Variants in RS1 observed in about 807,000 individuals in gnomAD.
The protein encoded by RS1 is retinoschisin.
A neutral mutation model predicts 20.8 loss-of-function variants in RS1; 2 were observed. The ratio of observed to expected loss-of-function variants is 0.10; its 90% CI spans 0.04 to 0.30. The LOEUF (loss-of-function observed/expected upper bound fraction) is 0.30. Among genes scored for constraint, RS1 ranks in the 10% least tolerant of loss-of-function variants. RS1 has a pLI of 1.00. For missense variants in RS1, 151 were observed against 189.8 expected, an observed-to-expected ratio of 0.80 and a Z score of 1.20; for synonymous variants, 70 against 75.8, an observed-to-expected ratio of 0.92 and a Z score of 0.40.
rs386416704 is a variant in RS1, at chrX:18,669,487, CAAA to C, written c.52+2527_52+2529del. 6.8e-5 allele frequency among the ~76,000 whole-genome samples: 4 copies of C among 58,899 alleles called. No individual in the cohort carries two copies. The Admixed American group carries it at 7.5e-4, about 11-fold the overall frequency. 51.1% of individuals were successfully genotyped at this position (58,899 alleles called of 115,157 possible). Reference sequence around the variant, plus strand: ...GCCTGGGCAACAAGAGTGAAATTCTCAAAAAAAAAAAAAAAAAGACATAGGAAA... The same window carrying C: ...GCCTGGGCAACAAGAGTGAAATTCTCAAAAAAAAAAAAAAGACATAGGAAA... On this transcript the variant is annotated intron_variant, in intron 1 of 5. Coordinates refer to ENST00000379984, the MANE Select transcript of RS1 (RefSeq NM_000330.4).
chrX:18,649,787 G>C (rs769787487), intron 3 of RS1, among the ~76,000 whole-genome samples: 12 of 112,043 alleles, frequency 1.1e-4, no homozygotes, highest in African/African-American at 3.9e-4. Flanking sequence ...GAGTGCCTGC[G>C]GACTCGAGGG....
rs1374999743 is a variant in RS1 at position 18,644,437 on chromosome X, T to C, written c.515A>G (p.Asn172Ser). 2 of 1,209,353 alleles carry C rather than the reference T, an allele frequency of 1.7e-6. No individual in the cohort carries two copies. The highest frequency in any genetic ancestry group is 2.2e-6 in the Non-Finnish European group (2 of 894,977). Residue 172 changes from asparagine to serine, a missense_variant, in exon 5 of 6, where the codon AAC (asparagine) becomes AGC (serine). Coordinates refer to ENST00000379984, the MANE Select transcript of RS1 (RefSeq NM_000330.4). ...NWIYYKDQTG[N>S]NRVFYGNSDR... ...GGGATAAGCCCAACTTACCCGGTTG[T>C]TTCCAGTCTGGTCCTTGTAGTAAAT... is the stretch of plus-strand genomic sequence containing the variant.
rs1569235240 is a variant in RS1, at chrX:18,669,504, A to AAAAAAAAAAAAAAAG, written c.52+2512_52+2513insCTTTTTTTTTTTTTT. Among the ~76,000 whole-genome samples the AAAAAAAAAAAAAAAG allele has an allele frequency of 3.7e-5, 4 of 107,321 alleles. No individual in the cohort carries two copies. In the East Asian group the frequency reaches 1.2e-3, roughly 32 times the overall value. 93.2% of individuals were successfully genotyped at this position (107,321 alleles called of 115,157 possible). On this transcript the variant is annotated intron_variant, in intron 1 of 5. Transcript: ENST00000379984. ...GAAATTCTCAAAAAAAAAAAAAAAA[A>AAAAAAAAAAAAAAAG]GACATAGGAAATGCCTTACTGTGAG...
At chrX:18,657,793 G>A in intron 1 of RS1, 128 bp from the exon 2 acceptor site, 1 of 548,683 alleles carries the variant, frequency 1.8e-6, no homozygotes, top group Admixed American at 2.5e-5. Flanking sequence ...TCTGGAAGAA[G>A]TCATGGTGAG....
intron 1 of RS1, among the ~76,000 whole-genome samples, chrX:18,667,325 A>T (rs976301925): frequency 7.2e-5 from 8 of 111,106 alleles, no homozygotes; most frequent in Non-Finnish European, 1.5e-4. Context: ...CGGGCAAACC[A>T]CTTGAGGTCA....
At chrX:18,653,921 T>C (rs1250073034) in intron 3 of RS1, among the ~76,000 whole-genome samples, 1 of 108,356 alleles carries the variant, frequency 9.2e-6, no homozygotes, top group Non-Finnish European at 1.9e-5. Flanking sequence ...TGAGCCGAGA[T>C]CACGCTACTG....
intron 3 of RS1, among the ~76,000 whole-genome samples, chrX:18,653,112 T>C (rs987807373): frequency 8.9e-6 from 1 of 112,375 alleles, no homozygotes; most frequent in Admixed American, 9.4e-5. Flanking sequence ...ATAATATTTC[T>C]GGAAGAATGG....
chrX:18,659,354 A>G (rs1928273449), intron 1 of RS1, among the ~76,000 whole-genome samples: 1 of 110,688 alleles, frequency 9.0e-6, no homozygotes, highest in South Asian at 4.0e-4. Context: ...GGCACCTGTA[A>G]TCCCAGCCAC....
chrX:18,657,642 C>T lies in RS1; in HGVS notation c.76G>A (p.Glu26Lys), dbSNP rs140983930. Residue 26 changes from glutamate (E) to lysine (K), a missense_variant and splice_region_variant, in exon 2 of 6, where the codon GAG becomes AAG. Coordinates refer to ENST00000379984, the MANE Select transcript of RS1 (RefSeq NM_000330.4). ...YEATLGLSST[E>K]DEGEDPWYQK... Reference sequence around the variant, plus strand: ...ACAGCCTTCTTACTGTTACATACCTCGGTAGACGATAATCCCAATGTGGCT... The same window carrying T: ...ACAGCCTTCTTACTGTTACATACCTTGGTAGACGATAATCCCAATGTGGCT... 655 of 1,198,645 alleles carry T rather than the reference C, an allele frequency of 5.5e-4. 4 individuals are homozygous for T. In the African/African-American group the frequency reaches 9.5e-3, roughly 17 times the overall value.
In RS1 at chrX:18,650,547, C is replaced by G. The variant is rs775114662; in HGVS notation, c.185-3215G>C. 5 of 1,210,912 alleles carry G rather than the reference C, an allele frequency of 4.1e-6. No individual in the cohort carries two copies. The African/African-American group carries it at 8.7e-5, about 21-fold the overall frequency. On this transcript the variant is annotated intron_variant, in intron 3 of 5. Coordinates refer to ENST00000379984, the MANE Select transcript of RS1 (RefSeq NM_000330.4). ...AGGCACTTCCATGTGCCCGACACTC[C>G]AGGTCCGAGGCACTGATGCTTTCAG...
At chrX:18,645,628 C>T (rs1927740348) in intron 4 of RS1, among the ~76,000 whole-genome samples, 1 of 111,094 alleles carries the variant, frequency 9.0e-6, no homozygotes, top group Admixed American at 9.6e-5. Context: ...CACTCTAGCC[C>T]GTGTCCCCCT....
At chrX:18,651,184 G>A (rs1928015727) in intron 3 of RS1, among the ~76,000 whole-genome samples, 1 of 83,217 alleles carries the variant, frequency 1.2e-5, no homozygotes, top group East Asian at 4.4e-4. Context: ...TGTGACTAAT[G>A]AATGGTTTCG....
chrX:18,642,815 G>A (rs778327799), intron 5 of RS1, among the ~76,000 whole-genome samples: 82 of 110,453 alleles, frequency 7.4e-4, no homozygotes, highest in Non-Finnish European at 1.3e-3. Context: ...GGAGGCGGGC[G>A]GATCGTTTGA....
chrX:18,668,942 A>G (rs1325975225), intron 1 of RS1, among the ~76,000 whole-genome samples: 1 of 112,028 alleles, frequency 8.9e-6, no homozygotes, highest in African/African-American at 3.2e-5. Flanking sequence ...ACGATCGAAC[A>G]ATAGACTTTC....
At chrX:18,657,568 A>G in intron 2 of RS1, 72 bp downstream of exon 2, 2 of 794,108 alleles carry the variant, frequency 2.5e-6, no homozygotes, top group Non-Finnish European at 3.9e-6. Flanking sequence ...ATAGTCCTCT[A>G]TGTTATTTTT....
At chrX:18,661,212 A>T (rs764586455) in intron 1 of RS1, among the ~76,000 whole-genome samples, 1 of 111,346 alleles carries the variant, frequency 9.0e-6, no homozygotes. Context: ...CATACATGGG[A>T]TTAGTATCTG....
chrX:18,657,585 G>T, intron 2 of RS1, 55 bp downstream of exon 2: 1 of 982,207 alleles, frequency 1.0e-6, no homozygotes, highest in Non-Finnish European at 1.5e-6. Context: ...TTTTGGCTAG[G>T]AAAATTTTCA....
intron 1 of RS1, among the ~76,000 whole-genome samples, chrX:18,666,798 TG>T (rs915781656): frequency 9.3e-6 from 1 of 107,741 alleles, no homozygotes; most frequent in South Asian, 4.1e-4. Flanking sequence ...GTGGCAGGGG[TG>T]GGGGTGTGAA....
rs543529984 is a variant in RS1, at chrX:18,655,159, C to T, written c.184+1494G>A. Reference sequence around the variant, plus strand: ...CTTAGGAGGCTGGTAGGAAAGAAACCAACCTTTATTCAACAGTGTGCTAGT... The same window carrying T: ...CTTAGGAGGCTGGTAGGAAAGAAACTAACCTTTATTCAACAGTGTGCTAGT... On this transcript the variant is annotated intron_variant, in intron 3 of 5. Coordinates refer to ENST00000379984, the MANE Select transcript of RS1 (RefSeq NM_000330.4). 4.2e-4 allele frequency among the ~76,000 whole-genome samples: 47 copies of T among 112,068 alleles called. No homozygotes were observed. The South Asian group carries it at 0.017, about 40-fold the overall frequency.
Sources: gnomAD v4.1 joint callset for allele counts (sites outside exome capture counted in the v4.1 genomes callset) on GRCh38, gnomAD v4.1.1 for gene constraint, MANE v1.5 for transcripts, NCBI Gene and HGNC (gene_info 2026-07-23, HGNC 2026-07-21) for gene names.